SLC28A3: variants seen among roughly 807,000 people sequenced by gnomAD.
The protein encoded by SLC28A3 is concentrative Na(+)-nucleoside cotransporter 3.
SLC28A3 carries 68 observed loss-of-function variants against 84.2 expected under a neutral mutation model. The ratio of observed to expected loss-of-function variants is 0.81; its 90% CI spans 0.66 to 0.99. The LOEUF (loss-of-function observed/expected upper bound fraction) is 0.99. SLC28A3 is among the 50% of genes least tolerant of loss of function. The pLI, the probability that SLC28A3 is intolerant of heterozygous loss-of-function variation, is 0.00. For missense variants in SLC28A3, 712 were observed against 841.5 expected, an observed-to-expected ratio of 0.85 and a Z score of 1.90; for synonymous variants, 267 against 303.6, an observed-to-expected ratio of 0.88 and a Z score of 1.25.
chr9:84,324,647 C>T (rs1346733650), intron 1 of SLC28A3, among the ~76,000 whole-genome samples: 2 of 148,364 alleles, frequency 1.3e-5, no homozygotes, highest in Non-Finnish European at 3.0e-5. Flanking sequence ...GAGACCCTGT[C>T]TTAAAAAAAA....
chr9:84,312,268 A>G (rs1248043792), intron 2 of SLC28A3, among the ~76,000 whole-genome samples: 1 of 152,194 alleles, frequency 6.6e-6, no homozygotes, highest in Non-Finnish European at 1.5e-5. Flanking sequence ...ATTTTTTACA[A>G]TCAATTAAGC....
chr9:84,293,237 G>T lies in SLC28A3; in HGVS notation c.943-489C>A, dbSNP rs553338247. Among the ~76,000 whole-genome samples the T allele has an allele frequency of 8.5e-4, 129 of 152,244 alleles. 1 individual carries two copies. Among genetic ancestry groups the T allele is most frequent in the African/African-American group, 2.9e-3 (121 of 41,554 alleles). On this transcript the variant is annotated intron_variant, in intron 9 of 17. Transcript: ENST00000376238. ...ATGTAGCAGGATGTATTTGAGGTTT[G>T]GTCTTTTTTACTTAATTGAAATGAA...
chr9:84,367,690 A>C, the SLC28A3 span, among the ~76,000 whole-genome samples: 1 of 152,066 alleles, frequency 6.6e-6, no homozygotes, highest in African/African-American at 2.4e-5. Flanking sequence ...TGATGGGGAG[A>C]AGGTCAGCAG....
Position 84,313,390 on chromosome 9 carries a change from A to G in SLC28A3, c.125T>C (p.Val42Ala), listed in dbSNP as rs1188627597. The G allele has an allele frequency of 6.2e-7, 1 of 1,613,970 alleles. No homozygotes were observed. ...SGNNSIRSRAVQSREHTNTKQ... is the reference protein window; with the variant it reads ...SGNNSIRSRAAQSREHTNTKQ... ...GGTGTTTGTGTGCTCCCTGCTTTGC[A>G]CAGCTCTGCTTCTTATTGAGTTGTT... The change falls in exon 2 of 18, where the codon GTG becomes GCG. Residue 42 changes from valine (V) to alanine (A), a missense_variant. Val to Ala is a moderately conservative substitution (Grantham distance 64). Transcript: ENST00000376238.
the SLC28A3 span, among the ~76,000 whole-genome samples, chr9:84,362,643 AT>A: frequency 6.8e-6 from 1 of 146,466 alleles, no homozygotes. Flanking sequence ...AAAAAAAAAA[AT>A]TAAAATAAAT....
chr9:84,296,704 CAA>C (rs1352868410), intron 8 of SLC28A3, among the ~76,000 whole-genome samples: 1 of 150,474 alleles, frequency 6.6e-6, no homozygotes, highest in Non-Finnish European at 1.5e-5. Context: ...CCTGCCTAGG[CAA>C]AGGCTATGCT....
chr9:84,362,987 T>C, the SLC28A3 span, among the ~76,000 whole-genome samples: 1 of 152,192 alleles, frequency 6.6e-6, no homozygotes, highest in Admixed American at 6.5e-5. Flanking sequence ...CTGGAATAAC[T>C]GTAATGTAAT....
the SLC28A3 span, among the ~76,000 whole-genome samples, chr9:84,355,659 A>T: frequency 6.6e-6 from 1 of 152,024 alleles, no homozygotes; most frequent in Admixed American, 6.5e-5. Flanking sequence ...TGGGAACTTG[A>T]GCAGTTTATG....
chr9:84,348,125 C>T, the SLC28A3 span, among the ~76,000 whole-genome samples: 4 of 152,162 alleles, frequency 2.6e-5, no homozygotes, highest in African/African-American at 9.7e-5. Flanking sequence ...TTGCCTAGCT[C>T]ACCCTACTCC....
chr9:84,308,346 G>A lies in SLC28A3; in HGVS notation c.242+1283C>T, dbSNP rs749014520. On this transcript the variant is annotated intron_variant, in intron 3 of 17. Coordinates refer to ENST00000376238, the MANE Select transcript of SLC28A3 (RefSeq NM_001199633.2). Reference sequence around the variant, plus strand: ...AGACCACCTGAGGTCAGGAGTTCAAGACCAGCCTGGCCAACATGGTGAAAC... The same window carrying A: ...AGACCACCTGAGGTCAGGAGTTCAAAACCAGCCTGGCCAACATGGTGAAAC... Among the ~76,000 whole-genome samples the A allele has an allele frequency of 5.3e-4, 81 of 152,242 alleles. 1 individual carries two copies. The highest frequency in any genetic ancestry group is 1.7e-3 in the Admixed American group (26 of 15,292).
rs1037156518 is a variant in SLC28A3, at chr9:84,340,724, T to C, written c.-91A>G. 11 of 1,441,180 alleles carry C rather than the reference T, an allele frequency of 7.6e-6. No homozygotes were observed. The highest frequency in any genetic ancestry group is 1.1e-5 in the Non-Finnish European group (11 of 1,029,884). The allele number at this position is 1,441,180 out of a possible 1,614,324, so 89.3% of individuals were successfully genotyped here. A position where few individuals can be genotyped will look rare whatever the true frequency, so the allele number is the denominator to read the frequency against. The stretch of plus-strand genomic sequence containing the variant: ...CTGCTGATGTCAGAAAGCCACCTGC[T>C]GTTACAGGGACCTGGGCACAGCTTG... On this transcript the variant is annotated 5_prime_UTR_variant, in exon 1 of 18. Coordinates refer to ENST00000376238, the MANE Select transcript of SLC28A3 (RefSeq NM_001199633.2).
intron 4 of SLC28A3, among the ~76,000 whole-genome samples, chr9:84,303,053 A>G (rs1825684214): frequency 6.6e-6 from 1 of 152,166 alleles, no homozygotes; most frequent in African/African-American, 2.4e-5. Context: ...GAGAAATAAA[A>G]ATAAAGTCCT....
chr9:84,361,343 C>CA, the SLC28A3 span, among the ~76,000 whole-genome samples: 4 of 151,928 alleles, frequency 2.6e-5, 1 homozygote, highest in African/African-American at 9.7e-5. Flanking sequence ...GACTCCGTCT[C>CA]AAAAAAAGGT....
Position 84,305,312 on chromosome 9 carries a change from AC to A in SLC28A3, c.275del (p.Gly92ValfsTer19). Reference sequence around the variant, plus strand: ...GAGTTGTTTTGTGTTTCCTACAGAAACCACATACTGTGTCATACCTCCTTTC... The same window carrying A: ...GAGTTGTTTTGTGTTTCCTACAGAAACACATACTGTGTCATACCTCCTTTC... Reference protein sequence around the residue: ...CLERRYDTVCGFCRKHKTTLR... With the variant: ...CLERRYDTVCXFCRKHKTTLR... On this transcript the variant is annotated frameshift_variant, in exon 4 of 18. Transcript: ENST00000376238. LOFTEE classifies it high-confidence loss of function. The A allele has an allele frequency of 6.2e-7, 1 of 1,613,466 alleles. No individual in the cohort carries two copies. The highest frequency in any genetic ancestry group is 8.5e-7 in the Non-Finnish European group (1 of 1,179,916).
chr9:84,351,209 T>C, the SLC28A3 span, among the ~76,000 whole-genome samples: 1 of 152,236 alleles, frequency 6.6e-6, no homozygotes, highest in Admixed American at 6.5e-5. Flanking sequence ...AGTCTAGGCC[T>C]ACACAGGGTC....
intron 1 of SLC28A3, among the ~76,000 whole-genome samples, chr9:84,330,008 A>G (rs1253987701): frequency 6.6e-6 from 1 of 152,212 alleles, no homozygotes; most frequent in Non-Finnish European, 1.5e-5. Flanking sequence ...CCAATCTTCT[A>G]CTGTAATGAA....
At chr9:84,288,460 T>A (rs1663102871) in intron 11 of SLC28A3, among the ~76,000 whole-genome samples, 1 of 152,128 alleles carries the variant, frequency 6.6e-6, no homozygotes, top group African/African-American at 2.4e-5. Flanking sequence ...AAAGAATTAA[T>A]CCTGTGTTGT....
intron 1 of SLC28A3, among the ~76,000 whole-genome samples, chr9:84,324,963 A>G (rs1397186339): frequency 1.3e-5 from 2 of 152,212 alleles, no homozygotes; most frequent in African/African-American, 2.4e-5. Context: ...GTTTACCATT[A>G]CTTTAATTAC....
At chr9:84,367,770 G>A in the SLC28A3 span, among the ~76,000 whole-genome samples, 1 of 152,190 alleles carries the variant, frequency 6.6e-6, no homozygotes, top group Non-Finnish European at 1.5e-5. Flanking sequence ...GGATGTGCAC[G>A]TAGGCTAGAT....
Sources: allele counts gnomAD v4.1 joint callset (sites outside exome capture counted in the v4.1 genomes callset), GRCh38; gene constraint gnomAD v4.1.1; transcripts MANE v1.5; gene names NCBI Gene and HGNC (gene_info 2026-07-23, HGNC 2026-07-21).